LHFPL3: variants seen among roughly 807,000 people sequenced by gnomAD.
LHFPL3 encodes the protein LHFPL tetraspan subfamily member 3.
LHFPL3 carries 5 observed loss-of-function variants against 19.3 expected under a neutral mutation model. That is an observed-to-expected ratio of 0.26 (90% CI 0.14 to 0.54). The LOEUF is 0.54. LHFPL3 is among the 20% of genes least tolerant of loss of function. The probability of loss-of-function intolerance (pLI) is 0.94; values close to 1 mark genes in which losing one functional copy is unlikely to be tolerated. For synonymous variants in LHFPL3, 133 were observed against 126.2 expected (o/e 1.05, Z -0.36); for missense variants, 249 against 307.4 (o/e 0.81, Z 1.42).
At chr7:104,874,339 T>A (rs1791892895) in intron 2 of LHFPL3, among the ~76,000 whole-genome samples, 1 of 151,938 alleles carries the variant, frequency 6.6e-6, no homozygotes, top group African/African-American at 2.4e-5. Context: ...ATAGGAGAGA[T>A]TTTTCAAGAG....
At chr7:104,432,789 TA>T (rs201800753) in intron 1 of LHFPL3, among the ~76,000 whole-genome samples, 2,219 of 152,284 alleles carry the variant, frequency 0.015, 68 homozygotes, top group Admixed American at 0.091. Flanking sequence ...ATCCCACCCC[TA>T]ATTAATTTCT....
intron 2 of LHFPL3, among the ~76,000 whole-genome samples, chr7:104,743,394 C>G (rs1040625693): frequency 1.3e-5 from 2 of 152,192 alleles, no homozygotes; most frequent in Non-Finnish European, 2.9e-5. Flanking sequence ...TATTTCTGGT[C>G]TCAACTCTGG....
intron 1 of LHFPL3, among the ~76,000 whole-genome samples, chr7:104,434,586 C>T (rs1792065010): frequency 6.6e-6 from 1 of 152,146 alleles, no homozygotes; most frequent in South Asian, 2.1e-4. Context: ...GTCCACTTCA[C>T]CATGGCATAT....
chr7:104,543,978 C>T (rs1401904994), intron 1 of LHFPL3, among the ~76,000 whole-genome samples: 1 of 149,862 alleles, frequency 6.7e-6, no homozygotes, highest in African/African-American at 2.5e-5. Flanking sequence ...CACCATGGCA[C>T]ACGTATACCT....
At position 104,873,458 on chromosome 7, in the gene LHFPL3, C is replaced by T. The variant is rs540401436; in HGVS notation, c.683-32729C>T. On this transcript the variant is annotated intron_variant, in intron 2 of 2. Transcript: ENST00000424859. ...GCAACATAGCAAAACTCCATCTCTA[C>T]AAAAATAAAAAATAAAATTAGCCAG... 3.6e-4 allele frequency among the ~76,000 whole-genome samples: 55 copies of T among 152,112 alleles called. No individual in the cohort carries two copies. The South Asian group carries it at 7.3e-3, about 20-fold the overall frequency.
chr7:104,581,807 T>C (rs767063244), intron 1 of LHFPL3, among the ~76,000 whole-genome samples: 1 of 152,016 alleles, frequency 6.6e-6, no homozygotes, highest in Non-Finnish European at 1.5e-5. Context: ...CATGTGGGTT[T>C]ATATTTCAGC....
At chr7:104,856,464 G>T (rs1184833902) in intron 2 of LHFPL3, among the ~76,000 whole-genome samples, 1 of 151,882 alleles carries the variant, frequency 6.6e-6, no homozygotes, top group Non-Finnish European at 1.5e-5. Flanking sequence ...TGGTCAGGCT[G>T]GTCTCAAACT....
chr7:104,691,344 A>G (rs576962543), intron 1 of LHFPL3, among the ~76,000 whole-genome samples: 21 of 152,220 alleles, frequency 1.4e-4, no homozygotes, highest in Non-Finnish European at 2.9e-4. Context: ...GCCTGTGCCA[A>G]TGGCCTCATA....
rs541350685 is a variant in LHFPL3 at position 104,423,279 on chromosome 7, A to C, written c.445+94055A>C. Among the ~76,000 whole-genome samples the C allele has an allele frequency of 7.2e-5, 11 of 152,262 alleles. No homozygotes were observed. The South Asian group carries it at 1.9e-3, about 26-fold the overall frequency. ...CAATTGGGCTGCTATGGAAGTACAT[A>C]AGTGGGTCATCCAACTTGGTCTGGC... On this transcript the variant is annotated intron_variant, in intron 1 of 2. Transcript: ENST00000424859.
intron 1 of LHFPL3, among the ~76,000 whole-genome samples, chr7:104,489,400 T>G (rs114813929): frequency 0.033 from 4,947 of 152,056 alleles, 213 homozygotes; most frequent in African/African-American, 0.086. Flanking sequence ...CATTTTGCAC[T>G]GGGTCTTGCA....
chr7:104,447,067 A>G (rs1008103523), intron 1 of LHFPL3, among the ~76,000 whole-genome samples: 3 of 152,372 alleles, frequency 2.0e-5, no homozygotes, highest in African/African-American at 7.2e-5. Context: ...CATTAGGGAC[A>G]GTATTGGAAT....
intron 1 of LHFPL3, among the ~76,000 whole-genome samples, chr7:104,573,437 G>C (rs186645174): frequency 1.9e-3 from 284 of 150,838 alleles, no homozygotes; most frequent in African/African-American, 6.7e-3. Context: ...AAGTAAGAAA[G>C]AAAAGACAAA....
chr7:104,810,675 G>GCAC (rs1790446876), intron 2 of LHFPL3, among the ~76,000 whole-genome samples: 17 of 152,242 alleles, frequency 1.1e-4, no homozygotes, highest in Admixed American at 7.8e-4. Context: ...AATAAAAGGA[G>GCAC]GTGTTATTAG....
intron 2 of LHFPL3, among the ~76,000 whole-genome samples, chr7:104,805,087 C>A (rs999043566): frequency 6.6e-6 from 1 of 152,316 alleles, no homozygotes; most frequent in African/African-American, 2.4e-5. Context: ...GGCTCAGATG[C>A]CCTGGGAAAG....
At chr7:104,728,753 T>C (rs569129403) in intron 1 of LHFPL3, among the ~76,000 whole-genome samples, 156 of 152,310 alleles carry the variant, frequency 1.0e-3, no homozygotes, top group African/African-American at 3.5e-3. Flanking sequence ...CCTCTTCTCC[T>C]GACAAAACAT....
chr7:104,421,397 G>T (rs1363855629), intron 1 of LHFPL3, among the ~76,000 whole-genome samples: 1 of 152,150 alleles, frequency 6.6e-6, no homozygotes, highest in Admixed American at 6.5e-5. Flanking sequence ...GTTACAGATG[G>T]TTACCTGCTA....
chr7:104,419,922 A>G (rs1308096007), intron 1 of LHFPL3, among the ~76,000 whole-genome samples: 1 of 152,176 alleles, frequency 6.6e-6, no homozygotes, highest in Non-Finnish European at 1.5e-5. Context: ...TATCCTTGAT[A>G]AATTTACTTA....
At chr7:104,525,078 C>G (rs796975937) in intron 1 of LHFPL3, among the ~76,000 whole-genome samples, 14 of 152,240 alleles carry the variant, frequency 9.2e-5, no homozygotes, top group African/African-American at 3.1e-4. Context: ...TAACAGTTCT[C>G]CTTAAAGTAA....
chr7:104,709,977 G>C (rs1793270052), intron 1 of LHFPL3, among the ~76,000 whole-genome samples: 1 of 152,216 alleles, frequency 6.6e-6, no homozygotes, highest in Non-Finnish European at 1.5e-5. Context: ...CAGGCGGCTG[G>C]GAGGTGGAGG....
Sources: gnomAD v4.1 joint callset for allele counts (sites outside exome capture counted in the v4.1 genomes callset) on GRCh38, gnomAD v4.1.1 for gene constraint, MANE v1.5 for transcripts, NCBI Gene and HGNC (gene_info 2026-07-23, HGNC 2026-07-21) for gene names.